Variants in VWA5B1 observed in about 807,000 individuals in gnomAD.
VWA5B1 encodes von Willebrand factor A domain-containing protein 5B1.
In VWA5B1, 115 loss-of-function variants were observed where a neutral mutation model predicts 118.2. The observed-to-expected ratio is 0.97, with a 90% CI of 0.84 to 1.14. The LOEUF (loss-of-function observed/expected upper bound fraction) is 1.14. VWA5B1 is among the 50% of genes most tolerant of loss of function. VWA5B1 has a pLI of 0.00. For synonymous variants in VWA5B1, 682 were observed against 658.4 expected, an observed-to-expected ratio of 1.04 and a Z score of -0.55; for missense variants, 1,596 against 1,603.8, an observed-to-expected ratio of 1.00 and a Z score of 0.08.
intron 1 of VWA5B1, among the ~76,000 whole-genome samples, chr1:20,306,222 A>C (rs1398246025): frequency 6.6e-6 from 1 of 152,142 alleles, no homozygotes; most frequent in African/African-American, 2.4e-5. Context: ...AGAAGGTGCC[A>C]CCTGAGCAGA....
intron 14 of VWA5B1, among the ~76,000 whole-genome samples, chr1:20,339,583 A>T (rs2089821143): frequency 6.6e-6 from 1 of 152,112 alleles, no homozygotes; most frequent in Non-Finnish European, 1.5e-5. Flanking sequence ...AATGGGCTTT[A>T]TGTAGATTTG....
At chr1:20,336,082 A>T (rs2089707676) in intron 12 of VWA5B1, among the ~76,000 whole-genome samples, 1 of 152,218 alleles carries the variant, frequency 6.6e-6, no homozygotes, top group Non-Finnish European at 1.5e-5. Flanking sequence ...GTCAATAATT[A>T]AAAACATAAA....
At chr1:20,328,918 T>G (rs1395286811) in intron 9 of VWA5B1, among the ~76,000 whole-genome samples, 2 of 152,258 alleles carry the variant, frequency 1.3e-5, no homozygotes, top group Non-Finnish European at 2.9e-5. Flanking sequence ...CCTTGTTCTA[T>G]GCATTTACAC....
chr1:20,298,593 G>A (rs981271180), intron 1 of VWA5B1, among the ~76,000 whole-genome samples: 1 of 152,100 alleles, frequency 6.6e-6, no homozygotes, highest in Non-Finnish European at 1.5e-5. Flanking sequence ...TCATGAGGCA[G>A]TGAGGCGAGC....
At chr1:20,335,221 G>T (rs952106014) in intron 12 of VWA5B1, among the ~76,000 whole-genome samples, 2 of 152,160 alleles carry the variant, frequency 1.3e-5, no homozygotes, top group Non-Finnish European at 2.9e-5. Flanking sequence ...AAGCTGAGGC[G>T]GGAGGATTGC....
Position 20,348,260 on chromosome 1 carries a change from T to TG in VWA5B1, c.2781dup (p.Leu928AlafsTer33). 7.7e-6 allele frequency: 12 copies of TG among 1,551,696 alleles called. No individual in the cohort carries two copies. Among genetic ancestry groups the TG allele is most frequent in the Non-Finnish European group, 1.0e-5 (12 of 1,147,018 alleles). On this transcript the variant is annotated frameshift_variant, in exon 18 of 22. Coordinates refer to ENST00000289815, the MANE Select transcript of VWA5B1 (RefSeq NM_001039500.3). LOFTEE classifies it high-confidence loss of function. Reference sequence around the variant, plus strand: ...TTCCGCGAAGGAGCTGCCCTGCGTATGCTTGGCTCTCGGGCCCTGGCCCAA... The same window carrying TG: ...TTCCGCGAAGGAGCTGCCCTGCGTATGGCTTGGCTCTCGGGCCCTGGCCCAA...
intron 11 of VWA5B1, 147 bp downstream of exon 11, chr1:20,331,130 G>C (rs773995023): frequency 1.5e-6 from 1 of 688,074 alleles, no homozygotes; most frequent in Non-Finnish European, 2.4e-6. Flanking sequence ...GAGAACCAGA[G>C]ACTTGCAAGC....
At chr1:20,352,710 G>T (rs2090153833) in intron 21 of VWA5B1, among the ~76,000 whole-genome samples, 1 of 152,166 alleles carries the variant, frequency 6.6e-6, no homozygotes, top group Non-Finnish European at 1.5e-5. Context: ...TCAGGGCTTG[G>T]GAAACAGAGG....
chr1:20,337,181 G>T (rs567150197), intron 13 of VWA5B1, among the ~76,000 whole-genome samples: 1 of 152,210 alleles, frequency 6.6e-6, no homozygotes, highest in South Asian at 2.1e-4. Context: ...AGGCTGGAGT[G>T]CAGTGGTACG....
At chr1:20,336,021 AT>A (rs2089705868) in intron 12 of VWA5B1, among the ~76,000 whole-genome samples, 1 of 152,238 alleles carries the variant, frequency 6.6e-6, no homozygotes, top group South Asian at 2.1e-4. Flanking sequence ...TCGGTTACCT[AT>A]TTGGAGACAG....
intron 1 of VWA5B1, chr1:20,294,300 G>A (rs115796293): frequency 0.01 from 1,563 of 152,182 alleles, 24 homozygotes; most frequent in African/African-American, 0.035. Flanking sequence ...TTTTGTCTTC[G>A]GCGTCTGGTC....
chr1:20,301,464 G>A (rs1365228261), intron 1 of VWA5B1, among the ~76,000 whole-genome samples: 1 of 152,190 alleles, frequency 6.6e-6, no homozygotes, highest in Non-Finnish European at 1.5e-5. Flanking sequence ...AGAAGGAAGA[G>A]GAAAGGCAGG....
At chr1:20,292,123 TTCTC>T (rs2088320768) in intron 1 of VWA5B1, among the ~76,000 whole-genome samples, 1 of 152,020 alleles carries the variant, frequency 6.6e-6, no homozygotes, top group Non-Finnish European at 1.5e-5. Flanking sequence ...CTGTCTCTCT[TTCTC>T]TTTTCTTTCC....
chr1:20,333,940 G>A (rs1262647493), intron 12 of VWA5B1, among the ~76,000 whole-genome samples: 3 of 152,216 alleles, frequency 2.0e-5, no homozygotes, highest in African/African-American at 4.8e-5. Context: ...TGGACTTGGT[G>A]TAAAAATAAA....
intron 1 of VWA5B1, among the ~76,000 whole-genome samples, chr1:20,304,463 A>G (rs1023849379): frequency 4.6e-5 from 7 of 152,136 alleles, no homozygotes; most frequent in African/African-American, 1.4e-4. Flanking sequence ...CAAGGACCCA[A>G]TGGGGAGAGC....
intron 16 of VWA5B1, 116 bp downstream of exon 16, chr1:20,343,509 C>T: frequency 1.4e-6 from 2 of 1,414,200 alleles, no homozygotes; most frequent in Non-Finnish European, 9.2e-7. Flanking sequence ...CCGCGTGGTC[C>T]GCCCACCTGC....
At chr1:20,349,529 A>G (rs1046776163) in intron 18 of VWA5B1, among the ~76,000 whole-genome samples, 3 of 151,888 alleles carry the variant, frequency 2.0e-5, no homozygotes, top group Non-Finnish European at 2.9e-5. Flanking sequence ...GACTACAGGC[A>G]CCTGCCACCA....
At chr1:20,307,857 A>C (rs1312853355) in intron 1 of VWA5B1, among the ~76,000 whole-genome samples, 1 of 142,750 alleles carries the variant, frequency 7.0e-6, no homozygotes, top group Non-Finnish European at 1.5e-5. Context: ...ATTTGCGTGC[A>C]TGTGTGTGTA....
In VWA5B1 at chr1:20,350,935, G is replaced by A. The variant is rs1420840089; in HGVS notation, c.3023+9G>A. The A allele has an allele frequency of 6.4e-7, 1 of 1,551,670 alleles. No homozygotes were observed. The highest frequency in any genetic ancestry group is 2.4e-5 in the East Asian group (1 of 40,906). ...AATCTCTTTGGATCCTGGTAGGTGG[G>A]ATTTCCAATAAAGGTACACTCTCCT... On this transcript the variant is annotated intron_variant, in intron 20 of 21. Coordinates refer to ENST00000289815, the MANE Select transcript of VWA5B1 (RefSeq NM_001039500.3).
Sources: gnomAD v4.1 joint callset for allele counts (sites outside exome capture counted in the v4.1 genomes callset) on GRCh38, gnomAD v4.1.1 for gene constraint, MANE v1.5 for transcripts, NCBI Gene and HGNC (gene_info 2026-07-23, HGNC 2026-07-21) for gene names.